The following RSRC1 variants were observed in gnomAD, a reference collection of about 807,000 sequenced individuals.
RSRC1 encodes arginine and serine rich coiled-coil 1.
RSRC1 carries 39 observed loss-of-function variants against 49.1 expected under a neutral mutation model. That is an observed-to-expected ratio of 0.79 (90% confidence interval 0.61 to 1.04). RSRC1 has a LOEUF of 1.04. Among genes scored for constraint, RSRC1 ranks in the 50% least tolerant of loss-of-function variants. The pLI is 0.00. For synonymous variants in RSRC1, 143 were observed against 130.8 expected (o/e 1.09, Z -0.63); for missense variants, 388 against 402.4 (o/e 0.96, Z 0.31).
Position 158,475,723 on chromosome 3 carries a change from C to CCT in RSRC1, c.652+14742_652+14743dup, listed in dbSNP as rs3037125. ...CTGACTGCTCCACTGACTGGCTATT[C>CCT]CTCTCTCTCTCTCTCTCTCTCTCCC... On this transcript the variant is annotated intron_variant, in intron 7 of 9. Transcript: ENST00000611884. 8.1e-3 allele frequency among the ~76,000 whole-genome samples: 1,211 copies of CCT among 149,174 alleles called. 7 individuals are homozygous for CCT. Among genetic ancestry groups the CCT allele is most frequent in the Admixed American group, 0.014 (215 of 14,938 alleles).
chr3:158,309,813 G>C (rs1322401630), intron 5 of RSRC1, among the ~76,000 whole-genome samples: 1 of 151,510 alleles, frequency 6.6e-6, no homozygotes, highest in African/African-American at 2.4e-5. Context: ...TGACCTCCTA[G>C]GTTTTATTTA....
intron 6 of RSRC1, among the ~76,000 whole-genome samples, chr3:158,425,483 G>T (rs1185584066): frequency 6.6e-6 from 1 of 152,058 alleles, no homozygotes; most frequent in African/African-American, 2.4e-5. Context: ...ATTTGCTGAG[G>T]AGAGCTTTAA....
intron 7 of RSRC1, among the ~76,000 whole-genome samples, chr3:158,490,480 G>C (rs944332332): frequency 2.0e-5 from 3 of 152,148 alleles, no homozygotes; most frequent in Non-Finnish European, 4.4e-5. Flanking sequence ...AACTGGCACC[G>C]TGTGCAGAAA....
chr3:158,159,195 T>C (rs1718061106), intron 3 of RSRC1, among the ~76,000 whole-genome samples: 1 of 152,004 alleles, frequency 6.6e-6, no homozygotes, highest in South Asian at 2.1e-4. Context: ...AAAGGAAGGA[T>C]TCATGTGGGG....
intron 6 of RSRC1, among the ~76,000 whole-genome samples, chr3:158,395,541 GA>G (rs1379980507): frequency 6.6e-6 from 1 of 152,078 alleles, no homozygotes; most frequent in African/African-American, 2.4e-5. Context: ...CTTTTTAAAA[GA>G]AGACATACAT....
At chr3:158,419,065 A>G (rs933220304) in intron 6 of RSRC1, among the ~76,000 whole-genome samples, 1 of 151,996 alleles carries the variant, frequency 6.6e-6, no homozygotes, top group African/African-American at 2.4e-5. Flanking sequence ...TCCCGATGGA[A>G]TTAGCTTTAG....
chr3:158,477,826 A>ATATAT, intron 7 of RSRC1, among the ~76,000 whole-genome samples: 1 of 134,634 alleles, frequency 7.4e-6, no homozygotes, highest in South Asian at 2.4e-4. Flanking sequence ...ATATATATAT[A>ATATAT]TGAAAGCCCT....
intron 5 of RSRC1, among the ~76,000 whole-genome samples, chr3:158,305,788 C>G (rs1360272460): frequency 3.3e-5 from 5 of 152,072 alleles, no homozygotes; most frequent in African/African-American, 1.2e-4. Flanking sequence ...TTAGGAAGAG[C>G]ACAGCACAAG....
In RSRC1 at chr3:158,536,978, A is replaced by C. The variant is rs539469445; in HGVS notation, c.653-114A>C. On this transcript the variant is annotated intron_variant, in intron 7 of 9. Transcript: ENST00000611884. ...CAAAAGAGTTTCTTGTTATAGCTTA[A>C]TTTATAATGTCTTTTTATCCAATTA... The C allele has an allele frequency of 7.4e-5, 50 of 675,112 alleles. No homozygotes were observed. The East Asian group carries it at 1.3e-3, about 17-fold the overall frequency. The allele number at this position is 675,112 out of a possible 1,614,324, so 41.8% of individuals were successfully genotyped here.
chr3:158,319,899 G>A (rs1728667474), intron 5 of RSRC1, among the ~76,000 whole-genome samples: 1 of 152,070 alleles, frequency 6.6e-6, no homozygotes, highest in South Asian at 2.1e-4. Context: ...TCATGTTAAA[G>A]TACCTTTTAT....
At chr3:158,286,660 A>T (rs1726582570) in intron 4 of RSRC1, among the ~76,000 whole-genome samples, 1 of 152,224 alleles carries the variant, frequency 6.6e-6, no homozygotes. Context: ...GCACTATTAG[A>T]TGCTTACCTG....
intron 6 of RSRC1, among the ~76,000 whole-genome samples, chr3:158,422,750 T>G (rs1247626335): frequency 2.0e-5 from 3 of 150,530 alleles, no homozygotes; most frequent in Non-Finnish European, 4.4e-5. Context: ...GTTTCCTGAC[T>G]TTTTAATGAT....
chr3:158,427,880 TC>T (rs1395693408), intron 6 of RSRC1, among the ~76,000 whole-genome samples: 1 of 151,812 alleles, frequency 6.6e-6, no homozygotes, highest in Admixed American at 6.6e-5. Context: ...ATTGCTTTTT[TC>T]TATTAAAATA....
At chr3:158,465,710 TG>T (rs1225334860) in intron 7 of RSRC1, among the ~76,000 whole-genome samples, 2 of 152,194 alleles carry the variant, frequency 1.3e-5, no homozygotes, top group Non-Finnish European at 2.9e-5. Flanking sequence ...CTTTATTAGG[TG>T]GTTCCATTGT....
chr3:158,430,383 C>T (rs917762129), intron 6 of RSRC1, among the ~76,000 whole-genome samples: 5 of 151,784 alleles, frequency 3.3e-5, no homozygotes, highest in African/African-American at 1.2e-4. Flanking sequence ...AGCTGATCTG[C>T]CAGTTTTGCC....
chr3:158,229,605 CTG>C (rs1166655151), intron 4 of RSRC1, among the ~76,000 whole-genome samples: 1 of 150,698 alleles, frequency 6.6e-6, no homozygotes, highest in African/African-American at 2.4e-5. Flanking sequence ...ATTGAAAGCA[CTG>C]TGTGGGAGTT....
At chr3:158,160,125 T>C (rs1419487583) in intron 3 of RSRC1, among the ~76,000 whole-genome samples, 1 of 152,158 alleles carries the variant, frequency 6.6e-6, no homozygotes, top group African/African-American at 2.4e-5. Flanking sequence ...AATTTTATAA[T>C]GAATATGAGA....
Position 158,286,051 on chromosome 3 carries a change from A to G in RSRC1, c.495-11988A>G, listed in dbSNP as rs946655745. Among the ~76,000 whole-genome samples, 5 of 152,154 alleles carry G rather than the reference A, an allele frequency of 3.3e-5. No homozygotes were observed. The East Asian group carries it at 9.6e-4, about 29-fold the overall frequency. ...TCCTAACTGTTTAAATGTGTTAGCT[A>G]TTTGTACAGTATTTGTTTTGTGAAT... On this transcript the variant is annotated intron_variant, in intron 4 of 9. Transcript: ENST00000611884.
intron 4 of RSRC1, among the ~76,000 whole-genome samples, chr3:158,280,009 A>G (rs997139921): frequency 6.6e-6 from 1 of 152,212 alleles, no homozygotes; most frequent in Non-Finnish European, 1.5e-5. Flanking sequence ...GGCACTGACC[A>G]CCAGCGCCTC....
Sources: allele counts gnomAD v4.1 joint callset (sites outside exome capture counted in the v4.1 genomes callset), GRCh38; gene constraint gnomAD v4.1.1; transcripts MANE v1.5; gene names NCBI Gene and HGNC (gene_info 2026-07-23, HGNC 2026-07-21).